The following C6orf52 variants were observed in gnomAD, a reference collection of about 807,000 sequenced individuals.
C6orf52 encodes chromosome 6 open reading frame 52, also known as putative uncharacterized protein C6orf52.
In C6orf52, 16 loss-of-function variants were observed where a neutral mutation model predicts 16.6. That is an observed-to-expected ratio of 0.96 (90% CI 0.65 to 1.46). The LOEUF (loss-of-function observed/expected upper bound fraction) is 1.46. Ranked by LOEUF, C6orf52 falls within the 40% of genes most tolerant of loss-of-function variation. The pLI, the probability that C6orf52 is intolerant of heterozygous loss-of-function variation, is 0.00. For missense variants in C6orf52, 166 were observed against 182.3 expected (o/e 0.91, Z 0.52); for synonymous variants, 53 against 61.4 (o/e 0.86, Z 0.64).
chr6:10,684,943 CATATTT>C, intron 3 of C6orf52: 1 of 1,238,610 alleles, frequency 8.1e-7, no homozygotes, highest in Non-Finnish European at 1.0e-6. Context: ...CAAAAGATAA[CATATTT>C]ATATAATTCT....
At chr6:10,693,882 C>G (rs1304566953) in intron 1 of C6orf52, among the ~76,000 whole-genome samples, 1 of 152,128 alleles carries the variant, frequency 6.6e-6, no homozygotes, top group Non-Finnish European at 1.5e-5. Flanking sequence ...GCGGGCGTCG[C>G]CATGCTGGGC....
intron 3 of C6orf52, 112 bp downstream of exon 3, chr6:10,686,854 G>T: frequency 1.3e-6 from 1 of 779,680 alleles, no homozygotes. Flanking sequence ...GGTAGCAAAA[G>T]CCATGTCTGT....
chr6:10,677,861 G>A (rs905832924), intron 4 of C6orf52, among the ~76,000 whole-genome samples: 1 of 151,720 alleles, frequency 6.6e-6, no homozygotes, highest in African/African-American at 2.4e-5. Context: ...TATGTAGAAT[G>A]CCATTGGTAT....
At chr6:10,693,798 G>A (rs1020416848) in intron 1 of C6orf52, among the ~76,000 whole-genome samples, 9 of 152,000 alleles carry the variant, frequency 5.9e-5, no homozygotes, top group Admixed American at 2.0e-4. Flanking sequence ...GAGCGATCTC[G>A]GCTCACTGCA....
intron 4 of C6orf52, chr6:10,674,734 A>G (rs993875102): frequency 2.6e-5 from 4 of 151,990 alleles, no homozygotes; most frequent in African/African-American, 9.7e-5. Flanking sequence ...TGACTGAACA[A>G]CCAATTGCGA....
At chr6:10,679,599 G>T (rs1768199229) in intron 4 of C6orf52, among the ~76,000 whole-genome samples, 1 of 149,462 alleles carries the variant, frequency 6.7e-6, no homozygotes, top group African/African-American at 2.5e-5. Flanking sequence ...AAAAACCATA[G>T]TCTCTGTGGA....
intron 1 of C6orf52, among the ~76,000 whole-genome samples, chr6:10,688,240 A>C (rs1336132983): frequency 6.6e-6 from 1 of 151,982 alleles, no homozygotes; most frequent in Non-Finnish European, 1.5e-5. Context: ...CCAAACTTCG[A>C]TGTGCATTCA....
rs369274162 is a variant in C6orf52 at position 10,687,012 on chromosome 6, G to A, written c.224C>T (p.Ala75Val). 1.0e-5 allele frequency: 16 copies of A among 1,551,396 alleles called. No homozygotes were observed. Among genetic ancestry groups the A allele is most frequent in the East Asian group, 4.9e-5 (2 of 40,932 alleles). Residue 75 changes from alanine (A) to valine (V), a missense_variant, in exon 3 of 5, where the codon GCG becomes GTG. Ala to Val is a moderately conservative substitution (Grantham distance 64). Transcript: ENST00000259983. ...VDGNGKDCFS[A>V]HETPEHTAGT... Reference sequence around the variant, plus strand: ...AGCTGTGTGTTCAGGGGTCTCATGCGCAGAAAAACAGTCCTTTCCATTTCC... The same window carrying A: ...AGCTGTGTGTTCAGGGGTCTCATGCACAGAAAAACAGTCCTTTCCATTTCC...
chr6:10,676,812 TCTAC>T (rs1767933188), intron 4 of C6orf52, among the ~76,000 whole-genome samples: 1 of 152,160 alleles, frequency 6.6e-6, no homozygotes. Context: ...TCTCCTTTCT[TCTAC>T]CTATTAAGCC....
At chr6:10,679,003 G>A (rs1768130349) in intron 4 of C6orf52, among the ~76,000 whole-genome samples, 1 of 151,926 alleles carries the variant, frequency 6.6e-6, no homozygotes, top group Admixed American at 6.6e-5. Context: ...TGAGGCAGGG[G>A]AATCACTTGA....
intron 4 of C6orf52, chr6:10,674,827 G>A: frequency 1.1e-5 from 1 of 89,234 alleles, no homozygotes; most frequent in Non-Finnish European, 2.2e-5. Context: ...TTTTTTTTTT[G>A]AGACGGAGTT....
chr6:10,683,827 C>T (rs1172306768), intron 3 of C6orf52, among the ~76,000 whole-genome samples: 1 of 152,200 alleles, frequency 6.6e-6, no homozygotes, highest in African/African-American at 2.4e-5. Context: ...TTGGTTAACC[C>T]AGACCCTGTT....
intron 3 of C6orf52, among the ~76,000 whole-genome samples, chr6:10,685,602 A>C (rs1156753817): frequency 6.6e-6 from 1 of 152,254 alleles, no homozygotes; most frequent in Admixed American, 6.5e-5. Flanking sequence ...GGAAGTCCGT[A>C]ACATTTAGAC....
intron 3 of C6orf52, 32 bp from the exon 4 acceptor site, chr6:10,683,264 AT>A: frequency 6.9e-7 from 1 of 1,444,542 alleles, no homozygotes; most frequent in Non-Finnish European, 9.5e-7. Context: ...TGAGAAAATA[AT>A]TTTACTTAAA....
chr6:10,687,562 C>T lies in C6orf52; in HGVS notation c.-11-1G>A. 1 of 1,544,224 alleles carries T rather than the reference C, an allele frequency of 6.5e-7. No individual in the cohort carries two copies. The highest frequency in any genetic ancestry group is 1.2e-5 in the South Asian group (1 of 83,446). On this transcript the variant is annotated splice_acceptor_variant, in intron 1 of 4. Transcript: ENST00000259983. LOFTEE classifies it low-confidence loss of function (5UTR_SPLICE). ...TCTGGTTGGGCCATTTACCCAGAAACTTTACAAAAAGAGAGCAGAATCCAG... is the reference window on the plus strand; with the variant it reads ...TCTGGTTGGGCCATTTACCCAGAAATTTTACAAAAAGAGAGCAGAATCCAG...
chr6:10,687,054 T>C lies in C6orf52; in HGVS notation c.182A>G (p.Tyr61Cys). 1 of 1,551,846 alleles carries C rather than the reference T, an allele frequency of 6.4e-7. No homozygotes were observed. The highest frequency in any genetic ancestry group is 1.4e-5 in the African/African-American group (1 of 73,166). Residue 61 changes from tyrosine (Y) to cysteine (C), a missense_variant, in exon 3 of 5, where the codon TAT becomes TGT. Physicochemically the swap from Tyr to Cys is radical, Grantham distance 194 (BLOSUM62 -2). Coordinates refer to ENST00000259983, the MANE Select transcript of C6orf52 (RefSeq NM_001145020.3). ...TCCATTTCCATCCACTGCACAGCCA[T>C]AGCTGTAGCCAGAAAGAAGGTAAGA... ...HGSYLLSGYS[Y>C]GCAVDGNGKD...
chr6:10,685,181 G>A (rs1409228850), intron 3 of C6orf52, among the ~76,000 whole-genome samples: 1 of 145,950 alleles, frequency 6.9e-6, no homozygotes, highest in Non-Finnish European at 1.5e-5. Flanking sequence ...TCTATTTAGA[G>A]ATATAAGGGT....
chr6:10,674,507 C>G (rs927134963), intron 4 of C6orf52, among the ~76,000 whole-genome samples: 1 of 152,060 alleles, frequency 6.6e-6, no homozygotes. Flanking sequence ...GTATTTATCA[C>G]GTACAACATA....
At chr6:10,694,792 A>G, upstream of C6orf52, 2 of 546,218 alleles carry the variant, frequency 3.7e-6, no homozygotes, top group Non-Finnish European at 6.5e-6. Context: ...CTCTTCTTGG[A>G]AAATCCATGT....
Sources: gnomAD v4.1 joint callset for allele counts (sites outside exome capture counted in the v4.1 genomes callset) on GRCh38, gnomAD v4.1.1 for gene constraint, MANE v1.5 for transcripts, NCBI Gene and HGNC (gene_info 2026-07-23, HGNC 2026-07-21) for gene names.